The following GCLM variants were observed in gnomAD, a reference collection of about 807,000 sequenced individuals.
The protein encoded by GCLM is glutamate--cysteine ligase regulatory subunit.
In GCLM, 15 loss-of-function variants were observed where a neutral mutation model predicts 36.0. The observed-to-expected ratio is 0.42, with a 90% CI of 0.28 to 0.64. The LOEUF is 0.64. Among genes scored for constraint, GCLM ranks in the 30% least tolerant of loss-of-function variants. GCLM has a pLI of 0.25. For missense variants in GCLM, 242 were observed against 325.5 expected, an observed-to-expected ratio of 0.74 and a Z score of 1.97; for synonymous variants, 129 against 122.8, an observed-to-expected ratio of 1.05 and a Z score of -0.34.
chr1:93,889,293 A>G, intron 6 of GCLM, 134 bp from the exon 7 acceptor site: 1 of 496,714 alleles, frequency 2.0e-6, no homozygotes, highest in Non-Finnish European at 3.4e-6. Context: ...CTTATTCTTC[A>G]TGTGTGTGCT....
chr1:93,894,689 A>G lies in GCLM; in HGVS notation c.580T>C (p.Cys194Arg), dbSNP rs1656663163. 6.2e-7 allele frequency: 1 copy of G among 1,611,130 alleles called. No homozygotes were observed. The highest frequency in any genetic ancestry group is 1.1e-5 in the South Asian group (1 of 91,014). ...GCAGTCAAATCTGGTGGCATCACAC[A>G]GCAGGAGGCAAGATTAACTTGGTTA... is the stretch of plus-strand genomic sequence containing the variant. The part of the protein sequence containing the change: ...NSNQVNLASC[C>R]VMPPDLTAFA... The change falls in exon 6 of 7, where the codon TGT becomes CGT. Residue 194 changes from cysteine to arginine, a missense_variant. Coordinates refer to ENST00000370238, the MANE Select transcript of GCLM (RefSeq NM_002061.4).
chr1:93,906,864 G>A (rs142779193), intron 1 of GCLM, among the ~76,000 whole-genome samples: 1 of 152,038 alleles, frequency 6.6e-6, no homozygotes, highest in East Asian at 1.9e-4. Flanking sequence ...TGATTCAACC[G>A]GTCAAACACC....
intron 1 of GCLM, among the ~76,000 whole-genome samples, chr1:93,906,971 G>A (rs1169389888): frequency 2.6e-5 from 4 of 152,122 alleles, no homozygotes; most frequent in African/African-American, 9.7e-5. Flanking sequence ...TCTGGGCAGA[G>A]GTCATAACAT....
chr1:93,908,818 G>A, intron 1 of GCLM: 1 of 359,962 alleles, frequency 2.8e-6, no homozygotes, highest in Non-Finnish European at 5.0e-6. Flanking sequence ...TCAGTGCGCA[G>A]CTGCACCGGC....
chr1:93,908,747 A>C, intron 1 of GCLM: 3 of 228,100 alleles, frequency 1.3e-5, no homozygotes, highest in Non-Finnish European at 8.6e-6. Flanking sequence ...CGTGCCAGGA[A>C]GAGGGACCCA....
At chr1:93,907,412 T>C (rs755558081) in intron 1 of GCLM, among the ~76,000 whole-genome samples, 1 of 152,084 alleles carries the variant, frequency 6.6e-6, no homozygotes, top group Non-Finnish European at 1.5e-5. Flanking sequence ...AAAGAAAAAA[T>C]CAGAATATAC....
rs890270814 is a variant in GCLM at position 93,887,917 on chromosome 1, A to C, written c.*1073T>G. The C allele has an allele frequency of 6.6e-6, 1 of 152,194 alleles. No homozygotes were observed. Among genetic ancestry groups the C allele is most frequent in the African/African-American group, 2.4e-5 (1 of 41,454 alleles). The allele number at this position is 152,194 out of a possible 1,614,324, so 9.4% of individuals were successfully genotyped here. A position where few individuals can be genotyped will look rare whatever the true frequency, so the allele number is the denominator to read the frequency against. On this transcript the variant is annotated 3_prime_UTR_variant, in exon 7 of 7. Coordinates refer to ENST00000370238, the MANE Select transcript of GCLM (RefSeq NM_002061.4). Reference sequence around the variant, plus strand: ...CGTAAACTAATGAAGAATTATACTAAATGACCTATATAGTCTCTTTTAGCT... The same window carrying C: ...CGTAAACTAATGAAGAATTATACTACATGACCTATATAGTCTCTTTTAGCT...
chr1:93,897,810 T>C (rs1656786684), intron 4 of GCLM, 29 bp downstream of exon 4: 1 of 1,282,480 alleles, frequency 7.8e-7, no homozygotes. Context: ...AAGTCCACTA[T>C]TAAGATAAAA....
At chr1:93,899,410 T>C (rs889283683) in intron 3 of GCLM, among the ~76,000 whole-genome samples, 2 of 152,188 alleles carry the variant, frequency 1.3e-5, no homozygotes, top group African/African-American at 4.8e-5. Context: ...TGAATATTAT[T>C]TTGTAAATTT....
intron 2 of GCLM, among the ~76,000 whole-genome samples, chr1:93,903,715 G>T (rs529553712): frequency 6.6e-6 from 1 of 152,162 alleles, no homozygotes; most frequent in African/African-American, 2.4e-5. Flanking sequence ...TAATTTACAA[G>T]GATAATGAGA....
intron 3 of GCLM, among the ~76,000 whole-genome samples, chr1:93,900,337 A>G (rs1656903246): frequency 1.3e-5 from 2 of 148,586 alleles, no homozygotes; most frequent in South Asian, 4.2e-4. Flanking sequence ...TTTGATACCT[A>G]TAAAAAAATC....
At chr1:93,899,588 A>G (rs766455830) in intron 3 of GCLM, among the ~76,000 whole-genome samples, 2 of 152,206 alleles carry the variant, frequency 1.3e-5, no homozygotes, top group Non-Finnish European at 2.9e-5. Flanking sequence ...ATGAATTGTT[A>G]GAAATGTTAT....
chr1:93,901,968 A>T (rs1656967283), intron 2 of GCLM, among the ~76,000 whole-genome samples: 1 of 151,930 alleles, frequency 6.6e-6, no homozygotes, highest in South Asian at 2.1e-4. Context: ...CAGTGGAGGG[A>T]TATGTGAGGA....
At chr1:93,891,214 A>C (rs574384834) in intron 6 of GCLM, among the ~76,000 whole-genome samples, 2 of 152,090 alleles carry the variant, frequency 1.3e-5, no homozygotes, top group East Asian at 1.9e-4. Flanking sequence ...CAAGCTCTCT[A>C]TGACTGCTCT....
chr1:93,904,491 C>A, intron 2 of GCLM, 32 bp downstream of exon 2: 1 of 1,388,692 alleles, frequency 7.2e-7, no homozygotes, highest in South Asian at 1.2e-5. Flanking sequence ...CCTTTTTGAC[C>A]TGCATGATTT....
At chr1:93,908,651 A>C in intron 1 of GCLM, 1 of 158,798 alleles carries the variant, frequency 6.3e-6, no homozygotes, top group Non-Finnish European at 1.4e-5. Flanking sequence ...TAATCTCCGA[A>C]AATATTCCTT....
chr1:93,889,796 CAT>C (rs1225211866), intron 6 of GCLM, among the ~76,000 whole-genome samples: 1 of 151,484 alleles, frequency 6.6e-6, no homozygotes, highest in South Asian at 2.1e-4. Context: ...TACTATATTA[CAT>C]AGATATCATA....
At chr1:93,896,569 GA>G (rs776170924) in intron 5 of GCLM, 48 bp downstream of exon 5, 2 of 1,473,676 alleles carry the variant, frequency 1.4e-6, no homozygotes, top group Admixed American at 3.3e-5. Context: ...AGCAAAGACT[GA>G]AAAGGGCAAG....
At chr1:93,902,767 TATC>T (rs1657007168) in intron 2 of GCLM, among the ~76,000 whole-genome samples, 1 of 152,204 alleles carries the variant, frequency 6.6e-6, no homozygotes, top group African/African-American at 2.4e-5. Flanking sequence ...ACCATTACAA[TATC>T]ATATGCAGTA....
Sources: gnomAD v4.1 joint callset for allele counts (sites outside exome capture counted in the v4.1 genomes callset) on GRCh38, gnomAD v4.1.1 for gene constraint, MANE v1.5 for transcripts, NCBI Gene and HGNC (gene_info 2026-07-23, HGNC 2026-07-21) for gene names.